MIPEP: variants seen among roughly 807,000 people sequenced by gnomAD.
MIPEP encodes the protein mitochondrial intermediate peptidase.
MIPEP carries 79 observed loss-of-function variants against 90.3 expected under a neutral mutation model. That is an observed-to-expected ratio of 0.87 (90% CI 0.73 to 1.05). MIPEP has a LOEUF of 1.05. MIPEP is among the 50% of genes least tolerant of loss of function. The pLI, the probability that MIPEP is intolerant of heterozygous loss-of-function variation, is 0.00. For missense variants in MIPEP, 940 were observed against 905.6 expected (o/e 1.04, Z -0.49); for synonymous variants, 334 against 315.8 (o/e 1.06, Z -0.61).
At chr13:23,846,980 T>A (rs1477242330) in intron 10 of MIPEP, among the ~76,000 whole-genome samples, 3 of 152,098 alleles carry the variant, frequency 2.0e-5, no homozygotes, top group Non-Finnish European at 4.4e-5. Flanking sequence ...GAAAACAGGT[T>A]TACAAGACAG....
chr13:23,762,773 C>T (rs1952561395), intron 16 of MIPEP, among the ~76,000 whole-genome samples: 2 of 152,208 alleles, frequency 1.3e-5, no homozygotes, highest in African/African-American at 2.4e-5. Flanking sequence ...GTATCCCTAC[C>T]TCACAGGATA....
chr13:23,864,668 A>G (rs7997131), intron 7 of MIPEP, among the ~76,000 whole-genome samples: 140,998 of 150,076 alleles, frequency 0.94, 66,271 homozygotes, highest in East Asian at 1. Context: ...CCCAGGAGGT[A>G]GAGACTATAG....
At chr13:23,878,387 T>G (rs1871151526) in intron 4 of MIPEP, among the ~76,000 whole-genome samples, 1 of 152,146 alleles carries the variant, frequency 6.6e-6, no homozygotes, top group Non-Finnish European at 1.5e-5. Flanking sequence ...ATGCTGCTCA[T>G]GTATTAGATT....
chr13:23,813,334 G>A (rs991674112), intron 14 of MIPEP, among the ~76,000 whole-genome samples: 11 of 152,054 alleles, frequency 7.2e-5, no homozygotes, highest in Admixed American at 2.6e-4. Flanking sequence ...AACTGGTTCC[G>A]GGACCTCCTA....
Position 23,839,632 on chromosome 13 carries a change from T to C in MIPEP, c.1338+17A>G. The stretch of plus-strand genomic sequence containing the variant: ...CCGATCGGTTCTAGAGAGACCAGTT[T>C]ATAAAGAAAGGATCACCTGATGTGG... On this transcript the variant is annotated intron_variant, in intron 12 of 18. Coordinates refer to ENST00000382172, the MANE Select transcript of MIPEP (RefSeq NM_005932.4). 1 of 1,593,708 alleles carries C rather than the reference T, an allele frequency of 6.3e-7. No homozygotes were observed. The highest frequency in any genetic ancestry group is 8.6e-7 in the Non-Finnish European group (1 of 1,165,426).
rs956936641 is a variant in MIPEP at position 23,776,909 on chromosome 13, C to T, written c.1849-16692G>A. Among the ~76,000 whole-genome samples, 14 of 152,032 alleles carry T rather than the reference C, an allele frequency of 9.2e-5. 1 individual carries two copies. The highest frequency in any genetic ancestry group is 1.3e-4 in the Non-Finnish European group (9 of 68,026). On this transcript the variant is annotated intron_variant, in intron 16 of 18. Coordinates refer to ENST00000382172, the MANE Select transcript of MIPEP (RefSeq NM_005932.4). The stretch of plus-strand genomic sequence containing the variant: ...ATTTGTGGTACTTTTGTTTCAGTTT[C>T]ACTCCCACATATATGTACATATACA...
At chr13:23,743,054 G>A (rs889866665) in intron 18 of MIPEP, among the ~76,000 whole-genome samples, 4 of 152,100 alleles carry the variant, frequency 2.6e-5, no homozygotes, top group African/African-American at 4.8e-5. Flanking sequence ...GTGCTATGCC[G>A]TCCTCCATTA....
intron 18 of MIPEP, among the ~76,000 whole-genome samples, chr13:23,742,055 A>G (rs900042866): frequency 1.3e-5 from 2 of 152,220 alleles, no homozygotes; most frequent in Non-Finnish European, 2.9e-5. Flanking sequence ...CTTGCTGGTC[A>G]GCAGAGCAGC....
intron 14 of MIPEP, among the ~76,000 whole-genome samples, chr13:23,814,889 A>G (rs746614983): frequency 2.0e-5 from 3 of 152,240 alleles, no homozygotes; most frequent in Admixed American, 6.5e-5. Flanking sequence ...CACAGTAAGG[A>G]GCATCAGATA....
At chr13:23,744,071 C>T (rs1365049208) in intron 18 of MIPEP, among the ~76,000 whole-genome samples, 1 of 152,248 alleles carries the variant, frequency 6.6e-6, no homozygotes, top group East Asian at 1.9e-4. Flanking sequence ...TCCTGCTACG[C>T]TGTGCAAGAA....
rs977480369 is a variant in MIPEP at position 23,830,593 on chromosome 13, G to C, written c.1653+5647C>G. Among the ~76,000 whole-genome samples, 7 of 152,134 alleles carry C rather than the reference G, an allele frequency of 4.6e-5. No individual in the cohort carries two copies. The East Asian group carries it at 1.3e-3, about 29-fold the overall frequency. ...ATTACTTGGAGAGGCATCTCTTTCT[G>C]CTCTAATCATTTACAAGAAGAATCT... On this transcript the variant is annotated intron_variant, in intron 14 of 18. Coordinates refer to ENST00000382172, the MANE Select transcript of MIPEP (RefSeq NM_005932.4).
intron 10 of MIPEP, among the ~76,000 whole-genome samples, chr13:23,849,386 A>C (rs892770735): frequency 6.6e-6 from 1 of 152,226 alleles, no homozygotes; most frequent in African/African-American, 2.4e-5. Flanking sequence ...ACTCTTCTAC[A>C]GTTTTACAAG....
intron 1 of MIPEP, 111 bp from the exon 2 acceptor site, chr13:23,886,617 AT>A (rs1871493432): frequency 3.7e-6 from 3 of 810,642 alleles, no homozygotes. Context: ...TCATTGGTGT[AT>A]CATGTTATAC....
At chr13:23,744,038 C>T (rs537856722) in intron 18 of MIPEP, among the ~76,000 whole-genome samples, 37 of 152,330 alleles carry the variant, frequency 2.4e-4, no homozygotes, top group African/African-American at 8.9e-4. Context: ...ACTCTGATTC[C>T]GTAACATGCT....
rs1262722087 is a variant in MIPEP, at chr13:23,789,143, T to C, written c.1848+16807A>G. ...TTTTTAAAAAATTGTTCTTCTGTTG[T>C]CATTGTTTTATTTGTATGAGCTCTT... On this transcript the variant is annotated intron_variant, in intron 16 of 18. Coordinates refer to ENST00000382172, the MANE Select transcript of MIPEP (RefSeq NM_005932.4). Among the ~76,000 whole-genome samples, 3 of 152,130 alleles carry C rather than the reference T, an allele frequency of 2.0e-5. No homozygotes were observed. The East Asian group carries it at 5.8e-4, about 29-fold the overall frequency.
chr13:23,827,703 G>C (rs564229178), intron 14 of MIPEP, among the ~76,000 whole-genome samples: 1 of 152,310 alleles, frequency 6.6e-6, no homozygotes, highest in African/African-American at 2.4e-5. Context: ...ACTATGAGGT[G>C]GGTGGATCAA....
chr13:23,765,495 G>C (rs1952583724), intron 16 of MIPEP, among the ~76,000 whole-genome samples: 2 of 152,184 alleles, frequency 1.3e-5, no homozygotes, highest in Non-Finnish European at 2.9e-5. Flanking sequence ...TATATATAGA[G>C]TTCAGTACTA....
At chr13:23,831,383 C>CGGGGGGGGGGGGGGGGGGGGGGGGGG (rs1555237542) in intron 14 of MIPEP, among the ~76,000 whole-genome samples, 4 of 40,844 alleles carry the variant, frequency 9.8e-5, no homozygotes, top group Non-Finnish European at 1.8e-4. Context: ...TTCCCCATGG[C>CGGGGGGGGGGGGGGGGGGGGGGGGGG]GGGGGGGGGA....
intron 18 of MIPEP, among the ~76,000 whole-genome samples, chr13:23,744,857 G>A (rs536462126): frequency 1.8e-4 from 27 of 152,278 alleles, no homozygotes; most frequent in African/African-American, 6.0e-4. Context: ...TAAATAAAAT[G>A]TCTATCCTAA....
Sources: gnomAD v4.1 joint callset for allele counts (sites outside exome capture counted in the v4.1 genomes callset) on GRCh38, gnomAD v4.1.1 for gene constraint, MANE v1.5 for transcripts, NCBI Gene and HGNC (gene_info 2026-07-23, HGNC 2026-07-21) for gene names.